OLFM3: variants seen among roughly 807,000 people sequenced by gnomAD.
OLFM3 encodes the protein noelin-3.
A neutral mutation model predicts 48.6 loss-of-function variants in OLFM3; 20 were observed. The ratio of observed to expected loss-of-function variants is 0.41; its 90% CI spans 0.29 to 0.60. OLFM3 has a LOEUF of 0.60. Ranked by LOEUF, OLFM3 falls within the 20% of genes least tolerant of loss-of-function variation. OLFM3 has a pLI of 0.28. For synonymous variants in OLFM3, 222 were observed against 198.1 expected, an observed-to-expected ratio of 1.12 and a Z score of -1.01; for missense variants, 437 against 544.3, an observed-to-expected ratio of 0.80 and a Z score of 1.96.
At chr1:101,995,160 A>G (rs1661523882) in intron 1 of OLFM3, among the ~76,000 whole-genome samples, 1 of 152,134 alleles carries the variant, frequency 6.6e-6, no homozygotes, top group African/African-American at 2.4e-5. Flanking sequence ...AGAAAAACAA[A>G]TAAAACTCAC....
At chr1:101,918,083 T>C (rs1319744905) in intron 1 of OLFM3, among the ~76,000 whole-genome samples, 2 of 152,186 alleles carry the variant, frequency 1.3e-5, no homozygotes, top group Non-Finnish European at 2.9e-5. Context: ...AATACTTCAA[T>C]ACTAATTAAG....
At chr1:101,811,185 C>T (rs1163442472) in intron 4 of OLFM3, among the ~76,000 whole-genome samples, 17 of 152,050 alleles carry the variant, frequency 1.1e-4, no homozygotes, top group Admixed American at 1.0e-3. Context: ...TGTGCATTCC[C>T]ACAAAACTTT....
At chr1:101,811,996 T>C (rs1472702777) in intron 4 of OLFM3, among the ~76,000 whole-genome samples, 1 of 152,044 alleles carries the variant, frequency 6.6e-6, no homozygotes, top group Non-Finnish European at 1.5e-5. Flanking sequence ...CCATGGAATA[T>C]ATGCAGCCAT....
At chr1:101,857,598 CCT>C (rs1381774422) in intron 1 of OLFM3, among the ~76,000 whole-genome samples, 1 of 151,736 alleles carries the variant, frequency 6.6e-6, no homozygotes, top group East Asian at 1.9e-4. Flanking sequence ...TCCTTTCCCC[CCT>C]CTCCTTTCCC....
At chr1:101,991,727 A>C (rs1471139126) in intron 1 of OLFM3, among the ~76,000 whole-genome samples, 1 of 150,302 alleles carries the variant, frequency 6.7e-6, no homozygotes, top group Non-Finnish European at 1.5e-5. Flanking sequence ...TACTAGATTA[A>C]TGAATGATCT....
intron 1 of OLFM3, among the ~76,000 whole-genome samples, chr1:101,989,504 G>T (rs1358004847): frequency 6.6e-6 from 1 of 152,064 alleles, no homozygotes. Flanking sequence ...TTATGGTATG[G>T]TGTGTAAGTA....
intron 1 of OLFM3, among the ~76,000 whole-genome samples, chr1:101,899,695 A>G (rs1051104496): frequency 1.4e-4 from 22 of 152,344 alleles, no homozygotes; most frequent in Middle Eastern, 3.4e-3. Flanking sequence ...AAAAAATTCT[A>G]AACATTCTTA....
intron 1 of OLFM3, among the ~76,000 whole-genome samples, chr1:101,927,645 G>A (rs565018937): frequency 6.6e-6 from 1 of 151,334 alleles, no homozygotes; most frequent in South Asian, 2.1e-4. Context: ...TAGTCATTAT[G>A]CTAAATATTA....
intron 1 of OLFM3, among the ~76,000 whole-genome samples, chr1:101,845,960 C>A (rs1222967758): frequency 6.6e-6 from 1 of 152,174 alleles, no homozygotes; most frequent in African/African-American, 2.4e-5. Flanking sequence ...ACTGGAGTAA[C>A]CCACATGAAA....
At chr1:101,822,146 G>A (rs1007862823) in intron 4 of OLFM3, among the ~76,000 whole-genome samples, 1 of 151,996 alleles carries the variant, frequency 6.6e-6, no homozygotes, top group East Asian at 1.9e-4. Context: ...TTACATGTGG[G>A]TTAGAAAAAA....
chr1:101,888,442 G>A (rs1011746478), intron 1 of OLFM3, among the ~76,000 whole-genome samples: 1 of 152,142 alleles, frequency 6.6e-6, no homozygotes, highest in African/African-American at 2.4e-5. Context: ...AAACTGGCTA[G>A]GCATATGTAG....
chr1:101,846,269 C>G (rs1655987364), intron 1 of OLFM3, among the ~76,000 whole-genome samples: 1 of 152,082 alleles, frequency 6.6e-6, no homozygotes, highest in Non-Finnish European at 1.5e-5. Context: ...ATGTTTTTAT[C>G]AAGTAAGTTT....
intron 1 of OLFM3, among the ~76,000 whole-genome samples, chr1:101,930,162 G>C (rs142171632): frequency 4.1e-4 from 63 of 152,224 alleles, no homozygotes; most frequent in African/African-American, 1.3e-3. Flanking sequence ...CTCTTCAGGA[G>C]CTAAATTTTT....
intron 1 of OLFM3, among the ~76,000 whole-genome samples, chr1:101,902,160 T>A (rs1658409039): frequency 6.6e-6 from 1 of 151,924 alleles, no homozygotes; most frequent in African/African-American, 2.4e-5. Context: ...GATGACTGTA[T>A]GACGTGGAAG....
intron 1 of OLFM3, among the ~76,000 whole-genome samples, chr1:101,962,642 C>A (rs12120248): frequency 0.16 from 24,737 of 151,246 alleles, 2,267 homozygotes; most frequent in Non-Finnish European, 0.19. Context: ...CTTCAAAAAA[C>A]AAACATAGTC....
intron 1 of OLFM3, among the ~76,000 whole-genome samples, chr1:101,853,225 C>G (rs916129611): frequency 6.6e-6 from 1 of 152,032 alleles, no homozygotes; most frequent in African/African-American, 2.4e-5. Context: ...ACTCTGGCCC[C>G]CTGGCTGTTT....
chr1:101,859,313 TA>T (rs1656554907), intron 1 of OLFM3, among the ~76,000 whole-genome samples: 1 of 151,948 alleles, frequency 6.6e-6, no homozygotes, highest in South Asian at 2.1e-4. Flanking sequence ...CAATAAATAT[TA>T]GGGAGTGGGC....
intron 1 of OLFM3, among the ~76,000 whole-genome samples, chr1:101,928,150 G>C (rs897781443): frequency 6.6e-6 from 1 of 152,058 alleles, no homozygotes; most frequent in Non-Finnish European, 1.5e-5. Context: ...GCTGTCTTTA[G>C]AGACCACATG....
intron 1 of OLFM3, among the ~76,000 whole-genome samples, chr1:101,868,798 G>T (rs1656958242): frequency 6.6e-6 from 1 of 152,212 alleles, no homozygotes; most frequent in Admixed American, 6.5e-5. Flanking sequence ...CTTGGGACAA[G>T]GTTCCCTCTA....
Sources: allele counts gnomAD v4.1 joint callset (sites outside exome capture counted in the v4.1 genomes callset), GRCh38; gene constraint gnomAD v4.1.1; transcripts MANE v1.5; gene names NCBI Gene and HGNC (gene_info 2026-07-23, HGNC 2026-07-21).